The following DNAH17 variants were observed in gnomAD, a reference collection of about 807,000 sequenced individuals.
DNAH17 encodes axonemal beta dynein heavy chain 17.
DNAH17 carries 376 observed loss-of-function variants against 485.6 expected under a neutral mutation model. The observed-to-expected ratio is 0.77, with a 90% CI of 0.71 to 0.84. DNAH17 has a LOEUF of 0.84. Ranked by LOEUF, DNAH17 falls within the 40% of genes least tolerant of loss-of-function variation. DNAH17 has a pLI of 0.00. For missense variants in DNAH17, 6,370 were observed against 5,839.3 expected (o/e 1.09, Z -2.96); for synonymous variants, 3,031 against 2,405.9 (o/e 1.26, Z -7.60).
At position 78,557,489 on chromosome 17, in the gene DNAH17, A is replaced by G. The variant is rs577070415; in HGVS notation, c.2178+619T>C. 6.6e-5 allele frequency among the ~76,000 whole-genome samples: 10 copies of G among 151,562 alleles called. No individual in the cohort carries two copies. In the East Asian group the frequency reaches 1.6e-3, roughly 24 times the overall value. On this transcript the variant is annotated intron_variant, in intron 14 of 80. Coordinates refer to ENST00000389840, the MANE Select transcript of DNAH17 (RefSeq NM_173628.4). Reference sequence around the variant, plus strand: ...AAAAATTATTTGTATTTTTACTACCACCAGCTGGGCTTGGTGGTACACGCC... The same window carrying G: ...AAAAATTATTTGTATTTTTACTACCGCCAGCTGGGCTTGGTGGTACACGCC...
chr17:78,514,503 CAAAAAAAA>C (rs79884057), intron 26 of DNAH17, among the ~76,000 whole-genome samples: 132 of 112,158 alleles, frequency 1.2e-3, no homozygotes, highest in African/African-American at 3.4e-3. Context: ...GACTCCGTCT[CAAAAAAAA>C]AAAAAAAAAA....
At chr17:78,576,242 G>T (rs974127163) in intron 1 of DNAH17, among the ~76,000 whole-genome samples, 2 of 152,312 alleles carry the variant, frequency 1.3e-5, no homozygotes, top group South Asian at 2.1e-4. Flanking sequence ...TAATACCACG[G>T]AACAGGTTTA....
rs2091944708 is a variant in DNAH17, at chr17:78,553,283, G to GGTTTTTTTTTT, written c.2179-479_2179-478insAAAAAAAAAAC. Among the ~76,000 whole-genome samples, 16 of 51,032 alleles carry GGTTTTTTTTTT rather than the reference G, an allele frequency of 3.1e-4. 3 individuals are homozygous for GGTTTTTTTTTT. The highest frequency in any genetic ancestry group is 3.8e-4 in the Non-Finnish European group (11 of 28,886). 33.5% of individuals were successfully genotyped at this position (51,032 alleles called of 152,430 possible). On this transcript the variant is annotated intron_variant, in intron 14 of 80. Transcript: ENST00000389840. ...AAATTACCCAGTCCCAGGTTTTTGT[G>GGTTTTTTTTTT]TTTTTTTTTTTTTTTTTTTTTTTTT...
intron 44 of DNAH17, among the ~76,000 whole-genome samples, chr17:78,487,749 T>G (rs960694947): frequency 4.4e-4 from 67 of 152,210 alleles, no homozygotes; most frequent in African/African-American, 1.5e-3. Flanking sequence ...GGTCTTGAAC[T>G]CCTGACCTTA....
At chr17:78,465,728 G>T (rs1395526927) in intron 56 of DNAH17, among the ~76,000 whole-genome samples, 1 of 149,126 alleles carries the variant, frequency 6.7e-6, no homozygotes, top group Non-Finnish European at 1.5e-5. Flanking sequence ...GAGCCTCTCC[G>T]CCCGGCAGCC....
Position 78,476,738 on chromosome 17 carries a change from C to T in DNAH17, c.7993-5G>A. ...TGCTGTGGAAAATAAGAGTCCCTGC[C>T]CCAAACACAGGATGATCAGCACCGT... On this transcript the variant is annotated splice_region_variant and splice_polypyrimidine_tract_variant and intron_variant, in intron 51 of 80. Transcript: ENST00000389840. 6.2e-7 allele frequency: 1 copy of T among 1,610,710 alleles called. No homozygotes were observed. Among genetic ancestry groups the T allele is most frequent in the Non-Finnish European group, 8.5e-7 (1 of 1,178,476 alleles).
At chr17:78,494,484 C>G in intron 40 of DNAH17, 109 bp downstream of exon 40, 1 of 1,268,230 alleles carries the variant, frequency 7.9e-7, no homozygotes, top group Non-Finnish European at 1.1e-6. Context: ...TTTGTAGCAT[C>G]GGGAAACGTG....
intron 56 of DNAH17, among the ~76,000 whole-genome samples, chr17:78,465,817 G>GC (rs1272000221): frequency 3.3e-5 from 5 of 149,676 alleles, no homozygotes; most frequent in African/African-American, 7.5e-5. Flanking sequence ...TGGGGGGTCA[G>GC]CCCCCCGCCC....
intron 22 of DNAH17, among the ~76,000 whole-genome samples, chr17:78,528,732 C>A (rs1329848279): frequency 6.6e-6 from 1 of 152,092 alleles, no homozygotes; most frequent in East Asian, 1.9e-4. Context: ...CCCACCCTCG[C>A]CCAGCCTGCA....
At position 78,479,098 on chromosome 17, in the gene DNAH17, G is replaced by T. The variant is rs202080844; in HGVS notation, c.7919C>A (p.Thr2640Lys). The change falls in exon 51 of 81, where the codon ACG becomes AAG. Residue 2640 changes from threonine (T) to lysine (K), a missense_variant. By Grantham distance (78) the Thr-to-Lys change is moderately conservative. Transcript: ENST00000389840. ...AATGGCCGTGGGAAGAAATGTTGCC[G>T]TGATTTTCTGATGCAAAGCTGTTAG... The part of the protein sequence containing the change: ...AAALALHQKI[T>K]ATFLPTAIKF... 1 of 1,613,950 alleles carries T rather than the reference G, an allele frequency of 6.2e-7. No homozygotes were observed. The highest frequency in any genetic ancestry group is 8.5e-7 in the Non-Finnish European group (1 of 1,179,882).
At chr17:78,432,978 G>C (rs1326995242) in intron 75 of DNAH17, among the ~76,000 whole-genome samples, 1 of 120,848 alleles carries the variant, frequency 8.3e-6, no homozygotes, top group Non-Finnish European at 1.6e-5. Context: ...CTCCAACCCC[G>C]AGGCCCCACG....
In DNAH17 at chr17:78,571,786, C is replaced by A. The variant is rs1470474159; in HGVS notation, c.540-4G>T. 5 of 1,572,928 alleles carry A rather than the reference C, an allele frequency of 3.2e-6. No homozygotes were observed. Among genetic ancestry groups the A allele is most frequent in the Non-Finnish European group, 4.3e-6 (5 of 1,158,552 alleles). ...GTTGTCCAGTGAAGAGGGGATCCTG[C>A]CCAGTGGAAGGTTGGGGCATTGCTC... On this transcript the variant is annotated splice_region_variant and splice_polypyrimidine_tract_variant and intron_variant, in intron 3 of 80. Transcript: ENST00000389840.
chr17:78,425,212 C>A (rs150329603), intron 80 of DNAH17, 134 bp downstream of exon 80: 74 of 844,728 alleles, frequency 8.8e-5, no homozygotes, highest in Admixed American at 2.8e-4. Flanking sequence ...GCTGATGCCC[C>A]CTGAGAGCAC....
chr17:78,566,492 T>TCC (rs772877120), intron 11 of DNAH17, 122 bp downstream of exon 11: 2 of 724,786 alleles, frequency 2.8e-6, no homozygotes, highest in East Asian at 2.7e-5. Flanking sequence ...AGACGGGCCC[T>TCC]CCCTCCCTGG....
chr17:78,461,372 C>G (rs2088116609), intron 58 of DNAH17, among the ~76,000 whole-genome samples, 172 bp downstream of exon 58: 1 of 152,176 alleles, frequency 6.6e-6, no homozygotes, highest in African/African-American at 2.4e-5. Context: ...AGCGGGGGCC[C>G]TCCCCTGGGA....
At chr17:78,424,302 A>T in intron 80 of DNAH17, 149 bp from the exon 81 acceptor site, 1 of 995,184 alleles carries the variant, frequency 1.0e-6, no homozygotes, top group Non-Finnish European at 1.4e-6. Flanking sequence ...GGCTGGAAGC[A>T]GAGGCCTTCG....
chr17:78,428,983 G>A, intron 76 of DNAH17, 138 bp downstream of exon 76: 1 of 826,370 alleles, frequency 1.2e-6, no homozygotes, highest in South Asian at 1.7e-5. Flanking sequence ...TTCCAAGTGA[G>A]ACGCATTTCT....
In DNAH17 at chr17:78,455,843, T is replaced by C; in HGVS notation, c.9978-7A>G. The C allele has an allele frequency of 6.3e-7, 1 of 1,586,504 alleles. No individual in the cohort carries two copies. The highest frequency in any genetic ancestry group is 8.6e-7 in the Non-Finnish European group (1 of 1,165,700). On this transcript the variant is annotated splice_region_variant and splice_polypyrimidine_tract_variant and intron_variant, in intron 62 of 80. Transcript: ENST00000389840. ...TGCTAATCCCCCGACCAGCCTAAAG[T>C]GGGATGAGAGAGAATAAAACATATT...
At chr17:78,549,580 A>G (rs572918644) in intron 16 of DNAH17, among the ~76,000 whole-genome samples, 4 of 152,352 alleles carry the variant, frequency 2.6e-5, no homozygotes, top group Non-Finnish European at 4.4e-5. Flanking sequence ...CAGCACCAGG[A>G]GAAAGCAAAT....
Sources: gnomAD v4.1 joint callset for allele counts (sites outside exome capture counted in the v4.1 genomes callset) on GRCh38, gnomAD v4.1.1 for gene constraint, MANE v1.5 for transcripts, NCBI Gene and HGNC (gene_info 2026-07-23, HGNC 2026-07-21) for gene names.